TOM1L2: variants seen among roughly 807,000 people sequenced by gnomAD.
TOM1L2 encodes target of myb1 like 2 membrane trafficking protein.
Under a neutral mutation model 67.9 loss-of-function variants are expected in TOM1L2, and 31 were observed. The ratio of observed to expected loss-of-function variants is 0.46; its 90% CI spans 0.34 to 0.62. The LOEUF (loss-of-function observed/expected upper bound fraction) is 0.62, where lower values mean the gene tolerates loss of function less well. TOM1L2 is among the 20% of genes least tolerant of loss of function. The probability of loss-of-function intolerance (pLI) is 0.01; values close to 1 mark genes in which losing one functional copy is unlikely to be tolerated. For missense variants in TOM1L2, 606 were observed against 663.5 expected (o/e 0.91, Z 0.95); for synonymous variants, 256 against 254.0 (o/e 1.01, Z -0.07).
At chr17:17,913,124 C>T (rs1049284423) in intron 1 of TOM1L2, among the ~76,000 whole-genome samples, 37 of 151,496 alleles carry the variant, frequency 2.4e-4, no homozygotes, top group African/African-American at 8.2e-4. Flanking sequence ...TGCAGTGAGC[C>T]GAGATGGCAG....
intron 1 of TOM1L2, 35 bp downstream of exon 1, chr17:17,972,227 C>T (rs1328093419): frequency 6.5e-7 from 1 of 1,548,444 alleles, no homozygotes; most frequent in Non-Finnish European, 8.7e-7. Context: ...CAGCGGCCGC[C>T]GTTGCCCAGC....
intron 1 of TOM1L2, among the ~76,000 whole-genome samples, chr17:17,936,333 AC>A (rs1248833228): frequency 1.3e-5 from 2 of 151,944 alleles, no homozygotes; most frequent in Non-Finnish European, 2.9e-5. Context: ...GTTTTCCCCA[AC>A]CCTGTTCCTC....
chr17:17,953,002 G>A (rs955571798), intron 1 of TOM1L2, among the ~76,000 whole-genome samples: 4 of 152,150 alleles, frequency 2.6e-5, no homozygotes, highest in Admixed American at 2.6e-4. Flanking sequence ...CTTCTGGGAC[G>A]CCATGCCCAA....
chr17:17,898,475 C>G (rs2038685406), intron 3 of TOM1L2, 121 bp downstream of exon 3: 21 of 1,011,898 alleles, frequency 2.1e-5, no homozygotes, highest in Non-Finnish European at 2.9e-5. Context: ...TCCAGTGGCC[C>G]AGGCACCAAG....
At chr17:17,897,112 AC>A (rs1374489462) in intron 3 of TOM1L2, among the ~76,000 whole-genome samples, 1 of 152,222 alleles carries the variant, frequency 6.6e-6, no homozygotes, top group African/African-American at 2.4e-5. Context: ...TTTCCATCCA[AC>A]ACGATTACCA....
At chr17:17,925,661 G>C (rs2040050211) in intron 1 of TOM1L2, among the ~76,000 whole-genome samples, 1 of 138,450 alleles carries the variant, frequency 7.2e-6, no homozygotes, top group Non-Finnish European at 1.5e-5. Flanking sequence ...GGCCAACATA[G>C]CGACCTCACC....
At chr17:17,946,506 T>C (rs1180472228) in intron 1 of TOM1L2, among the ~76,000 whole-genome samples, 1 of 152,188 alleles carries the variant, frequency 6.6e-6, no homozygotes, top group Non-Finnish European at 1.5e-5. Context: ...AAACATAATA[T>C]TTTTACCCAA....
chr17:17,930,246 G>A (rs576055554), intron 1 of TOM1L2, among the ~76,000 whole-genome samples: 1 of 152,100 alleles, frequency 6.6e-6, no homozygotes, highest in South Asian at 2.1e-4. Context: ...CAGAAAGTGG[G>A]GTATAGAGAA....
At position 17,927,935 on chromosome 17, in the gene TOM1L2, A is replaced by T. The variant is rs527414515; in HGVS notation, c.53-20404T>A. ...ACCACACCCAGTCAGCTATACTTTT[A>T]AAAAGATTCCTTATCTTTTAGAAAT... On this transcript the variant is annotated intron_variant, in intron 1 of 14. Coordinates refer to ENST00000379504, the MANE Select transcript of TOM1L2 (RefSeq NM_001082968.2). 2.4e-3 allele frequency among the ~76,000 whole-genome samples: 359 copies of T among 152,274 alleles called. 4 individuals carry two copies. Among genetic ancestry groups the T allele is most frequent in the African/African-American group, 8.3e-3 (343 of 41,570 alleles).
At chr17:17,858,099 C>T (rs755821142) in intron 12 of TOM1L2, 3 of 373,188 alleles carry the variant, frequency 8.0e-6, no homozygotes, top group Non-Finnish European at 1.5e-5. Flanking sequence ...CTTGGAAAAT[C>T]TCCAGGAGAT....
intron 1 of TOM1L2, among the ~76,000 whole-genome samples, chr17:17,948,978 G>A (rs2041069890): frequency 6.6e-6 from 1 of 152,162 alleles, no homozygotes; most frequent in African/African-American, 2.4e-5. Flanking sequence ...AGTTAAGAGT[G>A]CCAAGCAGGG....
intron 7 of TOM1L2, among the ~76,000 whole-genome samples, chr17:17,878,247 G>A (rs1435217659): frequency 1.3e-5 from 2 of 152,240 alleles, no homozygotes; most frequent in Admixed American, 6.5e-5. Context: ...GGCAAGCCTG[G>A]GCTGATGCAG....
intron 1 of TOM1L2, among the ~76,000 whole-genome samples, chr17:17,921,460 G>A (rs947311044): frequency 6.6e-6 from 1 of 152,154 alleles, no homozygotes; most frequent in African/African-American, 2.4e-5. Flanking sequence ...GTACTTAATG[G>A]AATAACTTAC....
At chr17:17,971,885 G>A (rs1404285557) in intron 1 of TOM1L2, among the ~76,000 whole-genome samples, 3 of 150,994 alleles carry the variant, frequency 2.0e-5, no homozygotes, top group Admixed American at 6.6e-5. Context: ...GTGCCCGGGA[G>A]GAGGCCCGAG....
rs1206656489 is a variant in TOM1L2, at chr17:17,845,513, A to C, written c.*2122T>G. 1 of 152,276 alleles carries C rather than the reference A, an allele frequency of 6.6e-6. No individual in the cohort carries two copies. Among genetic ancestry groups the C allele is most frequent in the Non-Finnish European group, 1.5e-5 (1 of 68,068 alleles). The allele number at this position is 152,276 out of a possible 1,614,324, so 9.4% of individuals were successfully genotyped here. ...ACTTTTTGGGACTCCTGGTTCCATGAGGCAGGGAGGCTGGCTCTTCCCTCT... is the reference window on the plus strand; with the variant it reads ...ACTTTTTGGGACTCCTGGTTCCATGCGGCAGGGAGGCTGGCTCTTCCCTCT... On this transcript the variant is annotated 3_prime_UTR_variant, in exon 15 of 15. Coordinates refer to ENST00000379504, the MANE Select transcript of TOM1L2 (RefSeq NM_001082968.2).
rs1258958778 is a variant in TOM1L2 at position 17,869,484 on chromosome 17, C to T, written c.778-11G>A. The T allele has an allele frequency of 1.3e-6, 2 of 1,596,600 alleles. No individual in the cohort carries two copies. Among genetic ancestry groups the T allele is most frequent in the South Asian group, 2.2e-5 (2 of 89,236 alleles). On this transcript the variant is annotated splice_polypyrimidine_tract_variant and intron_variant, in intron 7 of 14. Coordinates refer to ENST00000379504, the MANE Select transcript of TOM1L2 (RefSeq NM_001082968.2). ...GGTCCTGTTGAGCTCCTAGGGAACA[C>T]ATGCACCTCTGGGTAGCCTGCTGGG...
intron 4 of TOM1L2, among the ~76,000 whole-genome samples, chr17:17,888,256 G>C (rs546435234): frequency 6.6e-6 from 1 of 152,218 alleles, no homozygotes; most frequent in Non-Finnish European, 1.5e-5. Flanking sequence ...GGAAGACCCA[G>C]AGGAAGGTCT....
chr17:17,897,675 T>C (rs1042994047), intron 3 of TOM1L2, among the ~76,000 whole-genome samples: 16 of 152,306 alleles, frequency 1.1e-4, no homozygotes, highest in Admixed American at 8.5e-4. Context: ...TCAAGAGTCT[T>C]TGTAGCTATT....
At chr17:17,904,465 G>A (rs968622900) in intron 2 of TOM1L2, among the ~76,000 whole-genome samples, 1 of 152,144 alleles carries the variant, frequency 6.6e-6, no homozygotes, top group Non-Finnish European at 1.5e-5. Context: ...AAAATTCAAG[G>A]AGCTGAAAGA....
Sources: gnomAD v4.1 joint callset for allele counts (sites outside exome capture counted in the v4.1 genomes callset) on GRCh38, gnomAD v4.1.1 for gene constraint, MANE v1.5 for transcripts, NCBI Gene and HGNC (gene_info 2026-07-23, HGNC 2026-07-21) for gene names.